The following MTCH1 variants were observed in gnomAD, a reference collection of about 807,000 sequenced individuals.
The protein encoded by MTCH1 is mitochondrial carrier 1.
In MTCH1, 23 loss-of-function variants were observed where a neutral mutation model predicts 49.3. The observed-to-expected ratio is 0.47, with a 90% CI of 0.34 to 0.66. MTCH1 has a LOEUF of 0.66. Among genes scored for constraint, MTCH1 ranks in the 30% least tolerant of loss-of-function variants. The pLI is 0.01. For missense variants in MTCH1, 397 were observed against 532.1 expected, an observed-to-expected ratio of 0.75 and a Z score of 2.50; for synonymous variants, 229 against 215.2, an observed-to-expected ratio of 1.06 and a Z score of -0.56.
intron 11 of MTCH1, 80 bp downstream of exon 11, chr6:36,969,959 A>G (rs778064960): frequency 3.8e-6 from 6 of 1,576,440 alleles, no homozygotes; most frequent in Middle Eastern, 1.7e-4. Flanking sequence ...TTTGCATGCA[A>G]TGAAGCATCC....
chr6:36,969,043 C>A (rs191582355), intron 11 of MTCH1, 69 bp from the exon 12 acceptor site: 1,171 of 1,579,832 alleles, frequency 7.4e-4, no homozygotes, highest in Non-Finnish European at 9.2e-4. Context: ...GAGAGGAAGG[C>A]CAGTGTCAGG....
intron 7 of MTCH1, among the ~76,000 whole-genome samples, chr6:36,975,378 C>A (rs2150747945): frequency 6.6e-6 from 1 of 152,346 alleles, no homozygotes. Context: ...TGAAGACCAG[C>A]CCCACACCCA....
chr6:36,982,508 C>A lies in MTCH1; in HGVS notation c.322-836G>T, dbSNP rs1764134987. 6.6e-6 allele frequency among the ~76,000 whole-genome samples: 1 copy of A among 152,184 alleles called. No individual in the cohort carries two copies. Among genetic ancestry groups the A allele is most frequent in the African/African-American group, 2.4e-5 (1 of 41,428 alleles). ...GTTCAAGTGATTCTCCTACCCCAGC[C>A]TCCCAAGTAGCTGGGAATACAAGCA... On this transcript the variant is annotated intron_variant, in intron 1 of 11. Coordinates refer to ENST00000373627, the MANE Select transcript of MTCH1 (RefSeq NM_001271641.2). The surrounding 1 kb of genome is among the most constrained non-coding windows in gnomAD (Gnocchi z 4.1).
upstream of MTCH1, chr6:36,986,308 C>T (rs534497122): frequency 8.7e-5 from 71 of 812,890 alleles, no homozygotes; most frequent in African/African-American, 1.2e-3. Flanking sequence ...GTGGGACACG[C>T]CGGATGTGGC....
chr6:36,970,617 T>C lies in MTCH1; in HGVS notation c.954+30A>G, dbSNP rs774011706. 12 of 1,613,796 alleles carry C rather than the reference T, an allele frequency of 7.4e-6. No individual in the cohort carries two copies. The South Asian group carries it at 1.3e-4, about 18-fold the overall frequency. ...GGCCCCGCTTGGGTCCGCAAGGCAG[T>C]GGGAAGGAAGGACAGCTGGCACAAC... On this transcript the variant is annotated intron_variant, in intron 9 of 11. Transcript: ENST00000373627.
In MTCH1 at chr6:36,977,545, G is replaced by A. The variant is rs1213801591; in HGVS notation, c.649+89C>T. On this transcript the variant is annotated intron_variant, in intron 5 of 11. Transcript: ENST00000373627. The surrounding 1 kb of genome is among the most constrained non-coding windows in gnomAD (Gnocchi z 5.4). Reference sequence around the variant, plus strand: ...ACCACTTCCCAACAGGTCTACGGCTGTCTATGTACAGTCCACGAGGGGGCG... The same window carrying A: ...ACCACTTCCCAACAGGTCTACGGCTATCTATGTACAGTCCACGAGGGGGCG... The A allele has an allele frequency of 3.3e-6, 3 of 901,060 alleles. No homozygotes were observed. The highest frequency in any genetic ancestry group is 5.3e-6 in the Non-Finnish European group (3 of 566,782). 55.8% of individuals were successfully genotyped at this position (901,060 alleles called of 1,614,324 possible).
intron 1 of MTCH1, among the ~76,000 whole-genome samples, chr6:36,985,166 T>A (rs1287149700): frequency 6.7e-6 from 1 of 150,304 alleles, no homozygotes; most frequent in Non-Finnish European, 1.5e-5. Flanking sequence ...GGTAAACCGA[T>A]AGCATTCCCC....
intron 1 of MTCH1, among the ~76,000 whole-genome samples, chr6:36,983,987 T>C (rs750713090): frequency 6.6e-6 from 1 of 152,124 alleles, no homozygotes; most frequent in East Asian, 1.9e-4. Flanking sequence ...CGCTTTGGTG[T>C]CCTTCATTCC....
chr6:36,969,420 AG>A, intron 11 of MTCH1: 1 of 1,065,716 alleles, frequency 9.4e-7, no homozygotes. Flanking sequence ...TTTCACTGCG[AG>A]GCAAATCAAG....
At chr6:36,969,425 A>T (rs1409713956) in intron 11 of MTCH1, 1 of 1,064,932 alleles carries the variant, frequency 9.4e-7, no homozygotes, top group Non-Finnish European at 1.1e-6. Flanking sequence ...CTGCGAGGCA[A>T]ATCAAGGCCA....
At position 36,975,638 on chromosome 6, in the gene MTCH1, G is replaced by T; in HGVS notation, c.761+20C>A. 1 of 1,612,920 alleles carries T rather than the reference G, an allele frequency of 6.2e-7. No homozygotes were observed. Among genetic ancestry groups the T allele is most frequent in the Non-Finnish European group, 8.5e-7 (1 of 1,178,936 alleles). ...AGAGCCATGCCCGTGGCCAGTTATG[G>T]GGTGTATAAACTCACGTACACGAAG... On this transcript the variant is annotated intron_variant, in intron 7 of 11. Transcript: ENST00000373627.
chr6:36,978,358 T>C, intron 3 of MTCH1, 147 bp downstream of exon 3: 2 of 879,470 alleles, frequency 2.3e-6, no homozygotes, highest in Non-Finnish European at 1.8e-6. Context: ...AGCAGAACTG[T>C]GGGGTGGGAG....
chr6:36,985,803 T>C, intron 1 of MTCH1, 50 bp downstream of exon 1: 1 of 1,416,678 alleles, frequency 7.1e-7, no homozygotes, highest in African/African-American at 1.5e-5. Context: ...TCCTGGCCTG[T>C]CACCTTCACA....
At chr6:36,973,180 G>A (rs534710672) in intron 7 of MTCH1, among the ~76,000 whole-genome samples, 13 of 152,318 alleles carry the variant, frequency 8.5e-5, no homozygotes, top group African/African-American at 2.9e-4. Flanking sequence ...AAGACACACT[G>A]CTCAATGCAT....
chr6:36,986,042 C>A lies in MTCH1; in HGVS notation c.132G>T (p.Pro44=). 2 of 1,486,172 alleles carry A rather than the reference C, an allele frequency of 1.3e-6. No individual in the cohort carries two copies. The highest frequency in any genetic ancestry group is 1.3e-5 in the South Asian group (1 of 78,544). The allele number at this position is 1,486,172 out of a possible 1,614,324, so 92.1% of individuals were successfully genotyped here. ...GGCGAGGATGTGCGCGGTGCGCGGG[C>A]GGTGGATCGCGAGCTCGAGCCTCGA... ...AGVEARARDP[P]PAHRAHPRHP... Residue 44 remains proline (P), a synonymous_variant, in exon 1 of 12, where the codon CCG becomes CCT. Transcript: ENST00000373627.
chr6:36,984,421 T>G (rs1273688266), intron 1 of MTCH1, among the ~76,000 whole-genome samples: 1 of 152,128 alleles, frequency 6.6e-6, no homozygotes, highest in Non-Finnish European at 1.5e-5. Context: ...ATATTCCTGG[T>G]CACACCCACA....
chr6:36,978,494 T>C lies in MTCH1; in HGVS notation c.513+11A>G, dbSNP rs1481403624. 6.2e-7 allele frequency: 1 copy of C among 1,613,318 alleles called. No homozygotes were observed. Among genetic ancestry groups the C allele is most frequent in the Admixed American group, 1.7e-5 (1 of 59,962 alleles). On this transcript the variant is annotated intron_variant, in intron 3 of 11. Coordinates refer to ENST00000373627, the MANE Select transcript of MTCH1 (RefSeq NM_001271641.2). ...CCTCGGGCGACTGTTCCTGGCTTTG[T>C]GTGGGCTCACCTTCTTCATGCTACC... is the stretch of plus-strand genomic sequence containing the variant.
Position 36,972,146 on chromosome 6 carries a change from A to C in MTCH1, c.906+506T>G, listed in dbSNP as rs1392834599. ...ATTCCAGCCCTGTCAGTTCCAGCTG[A>C]GTGACTCTGGAGAGCCCAGAGCCTC... On this transcript the variant is annotated intron_variant, in intron 8 of 11. Transcript: ENST00000373627. This position sits in a 1 kb window ranked among gnomAD's most constrained non-coding sequence, Gnocchi z 4.1. 3.3e-5 allele frequency among the ~76,000 whole-genome samples: 5 copies of C among 152,028 alleles called. No individual in the cohort carries two copies. The highest frequency in any genetic ancestry group is 7.4e-5 in the Non-Finnish European group (5 of 68,000).
chr6:36,981,565 T>C, intron 2 of MTCH1, 23 bp downstream of exon 2: 1 of 1,612,000 alleles, frequency 6.2e-7, no homozygotes, highest in Non-Finnish European at 8.5e-7. Context: ...GTGTGGGCTT[T>C]CCTGCTTGGG....
Sources: gnomAD v4.1 joint callset for allele counts (sites outside exome capture counted in the v4.1 genomes callset) on GRCh38, gnomAD v4.1.1 for gene constraint, Gnocchi (gnomAD v3.1) non-coding constraint, MANE v1.5 for transcripts, NCBI Gene and HGNC (gene_info 2026-07-23, HGNC 2026-07-21) for gene names.